The following ZNF423 variants were observed in gnomAD, a reference collection of about 807,000 sequenced individuals.
ZNF423 encodes zinc finger protein 423, also known as Ebf-associated zinc finger protein.
Under a neutral mutation model 95.8 loss-of-function variants are expected in ZNF423, and 12 were observed. That is an observed-to-expected ratio of 0.13 (90% CI 0.08 to 0.20). ZNF423 has a LOEUF of 0.20. ZNF423 is among the 10% of genes least tolerant of loss of function. ZNF423 has a pLI of 1.00. For synonymous variants in ZNF423, 749 were observed against 711.9 expected (o/e 1.05, Z -0.83); for missense variants, 1,316 against 1,737.1 (o/e 0.76, Z 4.31).
intron 5 of ZNF423, among the ~76,000 whole-genome samples, chr16:49,565,710 G>A (rs564240959): frequency 6.6e-6 from 1 of 152,306 alleles, no homozygotes; most frequent in South Asian, 2.1e-4. Flanking sequence ...CCGTGAACAG[G>A]GGAGGGCAGG....
intron 7 of ZNF423, among the ~76,000 whole-genome samples, chr16:49,493,603 G>T (rs373721098): frequency 6.6e-6 from 1 of 152,186 alleles, no homozygotes; most frequent in Non-Finnish European, 1.5e-5. Context: ...GGAGGAGGAA[G>T]AGAGGGGACA....
chr16:49,589,477 C>G (rs1246187536), intron 5 of ZNF423, among the ~76,000 whole-genome samples: 1 of 151,630 alleles, frequency 6.6e-6, no homozygotes, highest in Non-Finnish European at 1.5e-5. Flanking sequence ...TCAGTATTAA[C>G]ATGTTCAATG....
intron 5 of ZNF423, among the ~76,000 whole-genome samples, chr16:49,532,963 A>T (rs1465540735): frequency 6.6e-6 from 1 of 152,182 alleles, no homozygotes; most frequent in African/African-American, 2.4e-5. Context: ...ATCTGGGTAG[A>T]ATGCCAATTC....
At chr16:49,666,132 C>G (rs2151920186) in intron 3 of ZNF423, among the ~76,000 whole-genome samples, 1 of 152,326 alleles carries the variant, frequency 6.6e-6, no homozygotes, top group East Asian at 1.9e-4. Context: ...CCCCCAGATC[C>G]TGGCTGGCCC....
intron 2 of ZNF423, among the ~76,000 whole-genome samples, chr16:49,746,342 CA>C (rs1424281430): frequency 4.0e-4 from 61 of 152,270 alleles, no homozygotes; most frequent in African/African-American, 1.4e-3. Context: ...TGCTTGGACT[CA>C]TCGAGCCTCA....
At chr16:49,586,640 G>C (rs994382102) in intron 5 of ZNF423, among the ~76,000 whole-genome samples, 1 of 152,246 alleles carries the variant, frequency 6.6e-6, no homozygotes, top group East Asian at 1.9e-4. Context: ...AGCTGTCTGC[G>C]AATGTGGCGT....
chr16:49,755,004 C>T lies in ZNF423; in HGVS notation c.101-24033G>A, dbSNP rs572974969. ...GAACAATACACTCACTGCAACAGTC[C>T]GCCGGTGCGGCTATCTTCCGCGGTG... On this transcript the variant is annotated intron_variant, in intron 2 of 7. Coordinates refer to ENST00000563137, the MANE Select transcript of ZNF423 (RefSeq NM_001379286.1). 2.0e-5 allele frequency among the ~76,000 whole-genome samples: 3 copies of T among 152,194 alleles called. No individual in the cohort carries two copies. The East Asian group carries it at 5.8e-4, about 29-fold the overall frequency.
intron 1 of ZNF423, among the ~76,000 whole-genome samples, chr16:49,815,901 TATATATATATA>T (rs2034841578): frequency 2.2e-5 from 1 of 45,726 alleles, no homozygotes; most frequent in Non-Finnish European, 3.9e-5. Flanking sequence ...TATATATATA[TATATATATATA>T]TATTTTTTTT....
At chr16:49,597,850 T>C (rs1971234463) in intron 5 of ZNF423, among the ~76,000 whole-genome samples, 1 of 152,160 alleles carries the variant, frequency 6.6e-6, no homozygotes, top group African/African-American at 2.4e-5. Context: ...ACAAATACCA[T>C]TATGAAGAGG....
At chr16:49,848,891 C>T (rs540061321) in intron 1 of ZNF423, among the ~76,000 whole-genome samples, 9 of 152,084 alleles carry the variant, frequency 5.9e-5, no homozygotes, top group Admixed American at 2.0e-4. Context: ...TCCAACAACC[C>T]GCAGCTCGAA....
intron 3 of ZNF423, among the ~76,000 whole-genome samples, chr16:49,701,518 C>A (rs1004907425): frequency 6.6e-6 from 1 of 152,036 alleles, no homozygotes; most frequent in African/African-American, 2.4e-5. Flanking sequence ...CTCAAACCGA[C>A]CCCAAACGGT....
In ZNF423 at chr16:49,492,710, C is replaced by A. The variant is rs980606531; in HGVS notation, c.3850-1406G>T. Among the ~76,000 whole-genome samples the A allele has an allele frequency of 6.6e-5, 10 of 152,218 alleles. No individual in the cohort carries two copies. Among genetic ancestry groups the A allele is most frequent in the Non-Finnish European group, 1.3e-4 (9 of 68,022 alleles). Reference sequence around the variant, plus strand: ...CATGCGGGCGGAGCAGGCGCACGGCCGGGGCTTGGTGGGCATGCGTGCTCT... The same window carrying A: ...CATGCGGGCGGAGCAGGCGCACGGCAGGGGCTTGGTGGGCATGCGTGCTCT... On this transcript the variant is annotated intron_variant, in intron 7 of 7. Transcript: ENST00000563137. The surrounding 1 kb of genome is among the most constrained non-coding windows in gnomAD (Gnocchi z 4.2).
At chr16:49,623,582 T>C (rs1233161487) in intron 5 of ZNF423, among the ~76,000 whole-genome samples, 1 of 152,244 alleles carries the variant, frequency 6.6e-6, no homozygotes, top group Non-Finnish European at 1.5e-5. Context: ...TTCACCTCCC[T>C]GACACTCCGT....
chr16:49,541,840 C>A (rs1269360369), intron 5 of ZNF423, among the ~76,000 whole-genome samples: 1 of 152,190 alleles, frequency 6.6e-6, no homozygotes, highest in African/African-American at 2.4e-5. Flanking sequence ...TGAAGAAGGA[C>A]ATGTTTGCTT....
chr16:49,815,878 AAAAATATATATAT>A (rs1178767843), intron 1 of ZNF423, among the ~76,000 whole-genome samples: 4 of 61,384 alleles, frequency 6.5e-5, no homozygotes, highest in Non-Finnish European at 1.2e-4. Flanking sequence ...AACAAAAAAA[AAAAATATATATAT>A]ATATATATAT....
chr16:49,667,843 A>G (rs4785180), intron 3 of ZNF423, among the ~76,000 whole-genome samples: 152,223 of 152,306 alleles, frequency 1, 76,070 homozygotes, highest in Middle Eastern at 1. Context: ...CTATGACTGC[A>G]CCACTGCACT....
At chr16:49,615,777 T>A (rs1466593110) in intron 5 of ZNF423, among the ~76,000 whole-genome samples, 2 of 152,192 alleles carry the variant, frequency 1.3e-5, no homozygotes, top group Non-Finnish European at 2.9e-5. Flanking sequence ...TCTGTCGCCA[T>A]GACCTGGCTC....
chr16:49,732,744 T>C (rs1227174244), intron 2 of ZNF423, among the ~76,000 whole-genome samples: 1 of 152,190 alleles, frequency 6.6e-6, no homozygotes, highest in African/African-American at 2.4e-5. Context: ...AAACAGATAA[T>C]GTTATAAGGG....
At chr16:49,520,510 C>G (rs1968353155) in intron 7 of ZNF423, among the ~76,000 whole-genome samples, 1 of 152,238 alleles carries the variant, frequency 6.6e-6, no homozygotes, top group African/African-American at 2.4e-5. Context: ...TGCAGCAGCA[C>G]TTCCTGGTCC....
Sources: gnomAD v4.1 joint callset for allele counts (sites outside exome capture counted in the v4.1 genomes callset) on GRCh38, gnomAD v4.1.1 for gene constraint, Gnocchi (gnomAD v3.1) non-coding constraint, MANE v1.5 for transcripts, NCBI Gene and HGNC (gene_info 2026-07-23, HGNC 2026-07-21) for gene names.